STMN4: variants seen among roughly 807,000 people sequenced by gnomAD.
The protein encoded by STMN4 is stathmin-4.
Under a neutral mutation model 29.1 loss-of-function variants are expected in STMN4, and 12 were observed. That is an observed-to-expected ratio of 0.41 (90% CI 0.26 to 0.67). The LOEUF (loss-of-function observed/expected upper bound fraction) is 0.67. STMN4 is among the 30% of genes least tolerant of loss of function. The pLI, the probability that STMN4 is intolerant of heterozygous loss-of-function variation, is 0.30. For synonymous variants in STMN4, 114 were observed against 105.3 expected, an observed-to-expected ratio of 1.08 and a Z score of -0.51; for missense variants, 181 against 262.8, an observed-to-expected ratio of 0.69 and a Z score of 2.15.
chr8:27,243,857 A>C, intron 1 of STMN4, 56 bp from the exon 2 acceptor site: 61 of 1,504,596 alleles, frequency 4.1e-5, no homozygotes, highest in Non-Finnish European at 4.7e-5. Context: ...GGTTATTCTC[A>C]TAAGAAAGGT....
At chr8:27,248,304 C>A (rs1282348036) in intron 1 of STMN4, among the ~76,000 whole-genome samples, 1 of 152,098 alleles carries the variant, frequency 6.6e-6, no homozygotes, top group Non-Finnish European at 1.5e-5. Context: ...TCGAGTGTGG[C>A]CTCATCCCAG....
chr8:27,251,186 G>A (rs993711509), intron 1 of STMN4, among the ~76,000 whole-genome samples: 1 of 152,082 alleles, frequency 6.6e-6, no homozygotes, highest in Non-Finnish European at 1.5e-5. Context: ...ACAGGAAGTG[G>A]AGGTTGCAGT....
intron 5 of STMN4, among the ~76,000 whole-genome samples, 166 bp from the exon 6 acceptor site, chr8:27,240,328 T>C (rs2130059987): frequency 6.6e-6 from 1 of 152,352 alleles, no homozygotes; most frequent in East Asian, 1.9e-4. Context: ...CCCCCACCAC[T>C]TTCAGAGCCT....
At chr8:27,251,193 C>G (rs1364885297) in intron 1 of STMN4, among the ~76,000 whole-genome samples, 2 of 152,066 alleles carry the variant, frequency 1.3e-5, no homozygotes, top group Admixed American at 6.5e-5. Context: ...GTGGAGGTTG[C>G]AGTGAGCTGA....
chr8:27,238,687 C>A (rs1241806039), intron 6 of STMN4, among the ~76,000 whole-genome samples: 9 of 152,230 alleles, frequency 5.9e-5, no homozygotes, highest in Non-Finnish European at 1.3e-4. Context: ...AGCCAAAGAT[C>A]TGGGTGCTAG....
chr8:27,252,198 T>C (rs923557889), intron 1 of STMN4, among the ~76,000 whole-genome samples: 24 of 152,150 alleles, frequency 1.6e-4, no homozygotes, highest in African/African-American at 5.6e-4. Flanking sequence ...ATTTTCTTAA[T>C]CCAGTCTATC....
At chr8:27,243,163 C>T (rs1004498792) in intron 2 of STMN4, among the ~76,000 whole-genome samples, 3 of 152,152 alleles carry the variant, frequency 2.0e-5, no homozygotes, top group Admixed American at 6.5e-5. Context: ...CCTTGGGGCC[C>T]GTGTGTCTGG....
chr8:27,256,504 G>A (rs2130183435), intron 1 of STMN4, among the ~76,000 whole-genome samples: 1 of 152,186 alleles, frequency 6.6e-6, no homozygotes, highest in South Asian at 2.1e-4. Context: ...CTCACAAAAG[G>A]TGCTACATTT....
chr8:27,256,197 G>A (rs527371372), intron 1 of STMN4, among the ~76,000 whole-genome samples: 1 of 152,274 alleles, frequency 6.6e-6, no homozygotes, highest in East Asian at 1.9e-4. Context: ...GGATTTTCCA[G>A]GGGCTGGGGC....
intron 2 of STMN4, among the ~76,000 whole-genome samples, chr8:27,243,392 A>G (rs781248711): frequency 6.6e-6 from 1 of 152,168 alleles, no homozygotes; most frequent in Non-Finnish European, 1.5e-5. Context: ...AGATTTGAAA[A>G]TACGTGTAAC....
intron 4 of STMN4, 54 bp downstream of exon 4, chr8:27,241,623 C>G (rs1443979641): frequency 2.7e-5 from 44 of 1,607,170 alleles, no homozygotes; most frequent in Non-Finnish European, 3.4e-5. Flanking sequence ...CCACCCCCGG[C>G]CACAGCCCAT....
chr8:27,255,547 C>G (rs73239476), intron 1 of STMN4, among the ~76,000 whole-genome samples: 9,362 of 152,214 alleles, frequency 0.062, 395 homozygotes, highest in Non-Finnish European at 0.09. Context: ...TGAATTTTTC[C>G]AATCCGTCTA....
At chr8:27,241,344 G>C (rs1801465067) in intron 4 of STMN4, 82 bp from the exon 5 acceptor site, 2 of 1,567,158 alleles carry the variant, frequency 1.3e-6, no homozygotes, top group Non-Finnish European at 1.7e-6. Context: ...GCACACGGGA[G>C]TGGGAGAACT....
rs1801456917 is a variant in STMN4, at chr8:27,241,115, C to T, written c.338G>A (p.Arg113Gln). 3 of 1,614,204 alleles carry T rather than the reference C, an allele frequency of 1.9e-6. No homozygotes were observed. Among genetic ancestry groups the T allele is most frequent in the South Asian group, 2.2e-5 (2 of 91,080 alleles). Reference sequence around the variant, plus strand: ...GATCTCTTCCAGGGATGGGTCTCGCCGCCTTGGCAGGGAGGCGTTGAACTC... The same window carrying T: ...GATCTCTTCCAGGGATGGGTCTCGCTGCCTTGGCAGGGAGGCGTTGAACTC... The part of the protein sequence containing the change: ...VPEFNASLPR[R>Q]RDPSLEEIQK... The change falls in exon 5 of 7, where the codon CGG (arginine) becomes CAG (glutamine). Residue 113 changes from arginine to glutamine, a missense_variant. By Grantham distance (43) the Arg-to-Gln change is conservative. Transcript: ENST00000350889.
chr8:27,237,685 A>G (rs980543475), intron 6 of STMN4, among the ~76,000 whole-genome samples: 2 of 152,208 alleles, frequency 1.3e-5, no homozygotes, highest in African/African-American at 4.8e-5. Context: ...AAAAGATAGC[A>G]TCTGCCTTCC....
chr8:27,239,213 C>A, intron 6 of STMN4: 3 of 1,534,926 alleles, frequency 2.0e-6, no homozygotes, highest in South Asian at 1.2e-5. Flanking sequence ...GGAGCGGGGA[C>A]CACGCTGCTC....
At chr8:27,256,387 AAG>A (rs1201197742) in intron 1 of STMN4, among the ~76,000 whole-genome samples, 1 of 152,198 alleles carries the variant, frequency 6.6e-6, no homozygotes, top group East Asian at 1.9e-4. Context: ...TTAAAAAAAA[AAG>A]GTTGACTATC....
At chr8:27,247,980 C>T (rs1801674109) in intron 1 of STMN4, among the ~76,000 whole-genome samples, 1 of 152,180 alleles carries the variant, frequency 6.6e-6, no homozygotes, top group Non-Finnish European at 1.5e-5. Context: ...TCATTGCATC[C>T]AGCAGCAACA....
At chr8:27,244,923 T>C (rs1801583670) in intron 1 of STMN4, among the ~76,000 whole-genome samples, 1 of 152,128 alleles carries the variant, frequency 6.6e-6, no homozygotes, top group Admixed American at 6.5e-5. Flanking sequence ...CTGTGGTCAC[T>C]GTGCCAGGGG....
Sources: gnomAD v4.1 joint callset for allele counts (sites outside exome capture counted in the v4.1 genomes callset) on GRCh38, gnomAD v4.1.1 for gene constraint, MANE v1.5 for transcripts, NCBI Gene and HGNC (gene_info 2026-07-23, HGNC 2026-07-21) for gene names.